The following RBFOX1 variants were observed in gnomAD, a reference collection of about 807,000 sequenced individuals.
The protein encoded by RBFOX1 is RNA binding protein fox-1 homolog 1.
RBFOX1 carries 8 observed loss-of-function variants against 57.7 expected under a neutral mutation model. That is an observed-to-expected ratio of 0.14 (90% CI 0.08 to 0.25). RBFOX1 has a LOEUF of 0.25. Ranked by LOEUF, RBFOX1 falls within the 10% of genes least tolerant of loss-of-function variation. RBFOX1 has a pLI of 1.00. For synonymous variants in RBFOX1, 326 were observed against 222.4 expected (o/e 1.47, Z -4.15); for missense variants, 611 against 548.5 (o/e 1.11, Z -1.14).
At chr16:6,210,521 G>A (rs1000300023) in intron 1 of RBFOX1, among the ~76,000 whole-genome samples, 1 of 152,010 alleles carries the variant, frequency 6.6e-6, no homozygotes, top group Non-Finnish European at 1.5e-5. Flanking sequence ...CTTGAGCCCA[G>A]GAGTTTGAGA....
At chr16:5,572,331 G>C (rs2046309663) in intron 2 of RBFOX1, among the ~76,000 whole-genome samples, 1 of 152,100 alleles carries the variant, frequency 6.6e-6, no homozygotes, top group African/African-American at 2.4e-5. Context: ...GCTTTTCTAG[G>C]CAGTGAGTCC....
At chr16:6,959,320 C>G (rs1035144998) in intron 3 of RBFOX1, among the ~76,000 whole-genome samples, 1 of 152,126 alleles carries the variant, frequency 6.6e-6, no homozygotes, top group South Asian at 2.1e-4. Context: ...TGTTTTTAAT[C>G]TCTCAGAAAC....
chr16:6,563,236 T>A lies in RBFOX1; in HGVS notation c.-63-91367T>A, dbSNP rs189862910. On this transcript the variant is annotated intron_variant, in intron 2 of 15. Transcript: ENST00000550418. ...CGTGACTTCCAAGACAATTTTAGCATCCTGTGCAACACGCATGAGATTTAG... is the reference window on the plus strand; with the variant it reads ...CGTGACTTCCAAGACAATTTTAGCAACCTGTGCAACACGCATGAGATTTAG... 1.2e-3 allele frequency among the ~76,000 whole-genome samples: 189 copies of A among 152,294 alleles called. 1 individual carries two copies. Among genetic ancestry groups the A allele is most frequent in the African/African-American group, 4.1e-3 (170 of 41,560 alleles).
intron 1 of RBFOX1, among the ~76,000 whole-genome samples, chr16:5,415,079 AC>A (rs1425221141): frequency 2.0e-5 from 3 of 152,216 alleles, no homozygotes; most frequent in Non-Finnish European, 2.9e-5. Flanking sequence ...TGAAGATCAG[AC>A]ATTTGAGATA....
At chr16:5,655,107 C>T (rs888296708) in intron 3 of RBFOX1, among the ~76,000 whole-genome samples, 13 of 152,184 alleles carry the variant, frequency 8.5e-5, no homozygotes, top group African/African-American at 3.1e-4. Flanking sequence ...GCAGGGCTGA[C>T]AGATGGTGCC....
chr16:6,969,656 A>T (rs538114446), intron 3 of RBFOX1, among the ~76,000 whole-genome samples: 36 of 152,196 alleles, frequency 2.4e-4, no homozygotes, highest in African/African-American at 8.7e-4. Flanking sequence ...AGGTGGGAGG[A>T]TGGCTTGAGT....
At chr16:5,516,992 C>G (rs1037452224) in intron 2 of RBFOX1, among the ~76,000 whole-genome samples, 3 of 151,062 alleles carry the variant, frequency 2.0e-5, no homozygotes, top group African/African-American at 7.3e-5. Flanking sequence ...TCCTGACTTT[C>G]TTCCTGTTTT....
intron 3 of RBFOX1, among the ~76,000 whole-genome samples, chr16:5,826,696 T>C (rs1465798719): frequency 2.0e-5 from 3 of 152,256 alleles, no homozygotes; most frequent in African/African-American, 7.2e-5. Context: ...ACTGCTGTGT[T>C]TTGTTATTTA....
chr16:5,443,959 G>A (rs918213947), intron 1 of RBFOX1, among the ~76,000 whole-genome samples: 13 of 152,172 alleles, frequency 8.5e-5, no homozygotes, highest in African/African-American at 2.9e-4. Flanking sequence ...TGTCAGGCAT[G>A]TCAACCATCG....
chr16:5,756,409 C>G (rs115528090), intron 3 of RBFOX1, among the ~76,000 whole-genome samples: 7,904 of 152,014 alleles, frequency 0.052, 688 homozygotes, highest in African/African-American at 0.18. Context: ...TACCGTTTTT[C>G]TTCTTGCTTA....
At chr16:5,360,952 G>A (rs868477229) in intron 1 of RBFOX1, among the ~76,000 whole-genome samples, 7 of 152,104 alleles carry the variant, frequency 4.6e-5, no homozygotes, top group African/African-American at 9.7e-5. Context: ...CGGCTTCTGC[G>A]GTGAGGAGGT....
At chr16:6,677,530 G>A (rs557979384) in intron 3 of RBFOX1, among the ~76,000 whole-genome samples, 2 of 152,122 alleles carry the variant, frequency 1.3e-5, no homozygotes, top group East Asian at 1.9e-4. Context: ...AAAAACATCA[G>A]GGAGCTAGGA....
intron 1 of RBFOX1, among the ~76,000 whole-genome samples, chr16:5,430,554 A>G (rs1380751465): frequency 2.0e-5 from 3 of 152,198 alleles, no homozygotes; most frequent in Non-Finnish European, 4.4e-5. Flanking sequence ...AAGGCGGTTC[A>G]TGAACCTGTC....
intron 2 of RBFOX1, among the ~76,000 whole-genome samples, chr16:6,384,060 C>CTTTTTTTTTTTTTT (rs5815305): frequency 1.6e-5 from 2 of 126,640 alleles, no homozygotes; most frequent in Admixed American, 8.0e-5. Context: ...ATTGGTTTTG[C>CTTTTTTTTTTTTTT]TTTTTTTTTT....
chr16:6,540,418 C>A (rs1207079691), intron 2 of RBFOX1, among the ~76,000 whole-genome samples: 1 of 151,728 alleles, frequency 6.6e-6, no homozygotes, highest in African/African-American at 2.4e-5. Flanking sequence ...TCGAGACTAT[C>A]CTGGCCAACA....
chr16:6,633,988 C>G (rs2098411016), intron 2 of RBFOX1, among the ~76,000 whole-genome samples: 1 of 152,126 alleles, frequency 6.6e-6, no homozygotes, highest in East Asian at 1.9e-4. Context: ...GCTGTCCAGA[C>G]TGGACAACAT....
intron 3 of RBFOX1, among the ~76,000 whole-genome samples, chr16:6,682,366 A>C (rs1176282779): frequency 6.6e-6 from 1 of 152,096 alleles, no homozygotes; most frequent in African/African-American, 2.4e-5. Context: ...TGCTGCCATC[A>C]GGCTTCGAAG....
intron 4 of RBFOX1, among the ~76,000 whole-genome samples, chr16:7,247,346 C>A (rs1327676531): frequency 6.6e-6 from 1 of 152,168 alleles, no homozygotes. Context: ...GGGACACTCA[C>A]AGCCAACGGG....
At chr16:5,521,316 C>T (rs1470801073) in intron 2 of RBFOX1, among the ~76,000 whole-genome samples, 1 of 139,102 alleles carries the variant, frequency 7.2e-6, no homozygotes, top group African/African-American at 2.7e-5. Context: ...TGCCCCAGGT[C>T]CGTGCAATTC....
Sources: gnomAD v4.1 joint callset for allele counts (sites outside exome capture counted in the v4.1 genomes callset) on GRCh38, gnomAD v4.1.1 for gene constraint, MANE v1.5 for transcripts, NCBI Gene and HGNC (gene_info 2026-07-23, HGNC 2026-07-21) for gene names.